The following LIN28B variants were observed in gnomAD, a reference collection of about 807,000 sequenced individuals.
The protein encoded by LIN28B is protein lin-28 homolog B.
A neutral mutation model predicts 21.9 loss-of-function variants in LIN28B; 5 were observed. The ratio of observed to expected loss-of-function variants is 0.23; its 90% CI spans 0.12 to 0.48. LIN28B has a LOEUF of 0.48. Ranked by LOEUF, LIN28B falls within the 20% of genes least tolerant of loss-of-function variation. The pLI is 0.98. For missense variants in LIN28B, 245 were observed against 310.5 expected, an observed-to-expected ratio of 0.79 and a Z score of 1.58; for synonymous variants, 109 against 111.3, an observed-to-expected ratio of 0.98 and a Z score of 0.13.
chr6:105,024,797 A>T (rs1223157146), intron 2 of LIN28B, among the ~76,000 whole-genome samples: 1 of 152,196 alleles, frequency 6.6e-6, no homozygotes, highest in Non-Finnish European at 1.5e-5. Flanking sequence ...TAATTTGGCT[A>T]CATGTAATTA....
intron 2 of LIN28B, among the ~76,000 whole-genome samples, chr6:104,938,689 G>A (rs1271586956): frequency 6.6e-6 from 1 of 151,366 alleles, no homozygotes; most frequent in African/African-American, 2.4e-5. Flanking sequence ...AGAGCCATAC[G>A]TAAATGATAA....
upstream of LIN28B, chr6:104,956,918 C>A (rs944769562): frequency 2.5e-6 from 1 of 406,668 alleles, no homozygotes; most frequent in South Asian, 3.8e-5. Context: ...TTTAAGATAA[C>A]ATGTTTGAGT....
intron 2 of LIN28B, among the ~76,000 whole-genome samples, chr6:104,978,280 C>G (rs779059915): frequency 6.6e-6 from 1 of 152,136 alleles, no homozygotes; most frequent in Non-Finnish European, 1.5e-5. Flanking sequence ...GTCTAATTCT[C>G]TTTTTAAGTC....
chr6:104,940,374 TGA>T (rs1778065379), intron 2 of LIN28B: 1 of 155,486 alleles, frequency 6.4e-6, no homozygotes, highest in African/African-American at 2.4e-5. Flanking sequence ...CCTCCCAGAC[TGA>T]CGCTGCGCGC....
At chr6:105,029,217 A>G (rs1182820546) in intron 3 of LIN28B, among the ~76,000 whole-genome samples, 2 of 152,232 alleles carry the variant, frequency 1.3e-5, no homozygotes, top group South Asian at 2.1e-4. Flanking sequence ...AAGTGTTTCT[A>G]TAATAAATGG....
At chr6:105,054,765 G>GC (rs1468737676) in intron 3 of LIN28B, among the ~76,000 whole-genome samples, 1 of 151,834 alleles carries the variant, frequency 6.6e-6, no homozygotes, top group Non-Finnish European at 1.5e-5. Context: ...ACTTTGGGGT[G>GC]CCCCCCATGG....
In LIN28B at chr6:105,081,045, C is replaced by CGGT. The variant is rs1772533743; in HGVS notation, c.*2262_*2263insGGT. 6.6e-6 allele frequency: 1 copy of CGGT among 152,566 alleles called. No individual in the cohort carries two copies. Among genetic ancestry groups the CGGT allele is most frequent in the Admixed American group, 6.6e-5 (1 of 15,264 alleles). The allele number at this position is 152,566 out of a possible 1,614,324, so 9.5% of individuals were successfully genotyped here. A position where few individuals can be genotyped will look rare whatever the true frequency, so the allele number is the denominator to read the frequency against. On this transcript the variant is annotated 3_prime_UTR_variant, in exon 4 of 4. Coordinates refer to ENST00000345080, the MANE Select transcript of LIN28B (RefSeq NM_001004317.4). ...GACTAAACTAAGAGCACATACCAAA[C>CGGT]CTATCTTATGGTTGAAAGTTGGGGT...
At chr6:104,940,816 T>G (rs1487667053) in intron 2 of LIN28B, 2 of 151,530 alleles carry the variant, frequency 1.3e-5, no homozygotes, top group East Asian at 2.0e-4. Context: ...CGCGTCCCCT[T>G]GCCGGCTCAC....
chr6:104,971,775 TTAATG>T (rs1257881326), intron 2 of LIN28B, among the ~76,000 whole-genome samples: 1 of 152,202 alleles, frequency 6.6e-6, no homozygotes, highest in African/African-American at 2.4e-5. Flanking sequence ...GATATTTTAA[TTAATG>T]CTTAAGTTGT....
In LIN28B at chr6:105,052,388, A is replaced by T. The variant is rs186625284; in HGVS notation, c.383+25906A>T. On this transcript the variant is annotated intron_variant, in intron 3 of 3. Transcript: ENST00000345080. ...AGTTTTGTAGGCTGGGAAGTCCAAG[A>T]TCAAGGGGCAGGCATCTGGCAAGTG... Among the ~76,000 whole-genome samples the T allele has an allele frequency of 4.4e-3, 673 of 152,306 alleles. 3 individuals carry two copies. The highest frequency in any genetic ancestry group is 6.1e-3 in the Non-Finnish European group (418 of 68,032).
At chr6:104,944,540 GAA>G (rs950348660) in intron 2 of LIN28B, among the ~76,000 whole-genome samples, 19 of 151,892 alleles carry the variant, frequency 1.3e-4, no homozygotes, top group Non-Finnish European at 1.0e-4. Context: ...TAAAAAATAA[GAA>G]TATAAATTTT....
chr6:105,073,161 G>C (rs1224900336), intron 3 of LIN28B, among the ~76,000 whole-genome samples: 2 of 152,078 alleles, frequency 1.3e-5, no homozygotes, highest in Non-Finnish European at 2.9e-5. Context: ...CATGTGTTCA[G>C]TTGATTGGCA....
chr6:105,043,279 G>A (rs142546126), intron 3 of LIN28B, among the ~76,000 whole-genome samples: 2,768 of 132,816 alleles, frequency 0.021, 50 homozygotes, highest in Middle Eastern at 0.045. Context: ...AAAATTAGCC[G>A]GGCATAGTGG....
intron 2 of LIN28B, among the ~76,000 whole-genome samples, chr6:105,021,213 T>C (rs1375219468): frequency 2.0e-5 from 3 of 152,192 alleles, no homozygotes; most frequent in African/African-American, 7.2e-5. Context: ...TTGTTCTTTT[T>C]CACGGTGGAA....
chr6:104,965,566 G>A (rs1413323864), intron 2 of LIN28B, among the ~76,000 whole-genome samples: 1 of 152,166 alleles, frequency 6.6e-6, no homozygotes, highest in Admixed American at 6.5e-5. Flanking sequence ...CTGTTGCCTA[G>A]GCTAGAGTGC....
chr6:104,984,419 A>C (rs1435494965), intron 2 of LIN28B, among the ~76,000 whole-genome samples: 1 of 151,636 alleles, frequency 6.6e-6, no homozygotes, highest in Non-Finnish European at 1.5e-5. Flanking sequence ...TAGCCAAACT[A>C]TGCTTGCAGT....
At chr6:105,057,019 A>G (rs1007861661) in intron 3 of LIN28B, among the ~76,000 whole-genome samples, 23 of 152,232 alleles carry the variant, frequency 1.5e-4, no homozygotes, top group African/African-American at 5.5e-4. Context: ...ACCACAGAAG[A>G]GTAAGTCTAA....
intron 2 of LIN28B, among the ~76,000 whole-genome samples, chr6:105,002,899 G>T (rs1342159140): frequency 6.6e-6 from 1 of 152,076 alleles, no homozygotes; most frequent in African/African-American, 2.4e-5. Context: ...TACAAAGTTG[G>T]GCTTCTGGGC....
chr6:104,966,588 G>A (rs1769863905), intron 2 of LIN28B, among the ~76,000 whole-genome samples: 1 of 148,420 alleles, frequency 6.7e-6, no homozygotes. Flanking sequence ...GAGATGCTGG[G>A]ATTCTAGGTG....
Sources: gnomAD v4.1 joint callset for allele counts (sites outside exome capture counted in the v4.1 genomes callset) on GRCh38, gnomAD v4.1.1 for gene constraint, MANE v1.5 for transcripts, NCBI Gene and HGNC (gene_info 2026-07-23, HGNC 2026-07-21) for gene names.